Variants in MYT1L observed in about 807,000 individuals in gnomAD.
The protein encoded by MYT1L is myelin transcription factor 1 like, also known as myelin transcription factor 1-like protein.
In MYT1L, 12 loss-of-function variants were observed where a neutral mutation model predicts 126.7. The ratio of observed to expected loss-of-function variants is 0.09; its 90% CI spans 0.06 to 0.15. The LOEUF (loss-of-function observed/expected upper bound fraction) is 0.15. MYT1L is among the 10% of genes least tolerant of loss of function. The pLI is 1.00. For missense variants in MYT1L, 979 were observed against 1,585.2 expected (o/e 0.62, Z 6.49); for synonymous variants, 541 against 604.2 (o/e 0.90, Z 1.53).
intron 3 of MYT1L, among the ~76,000 whole-genome samples, chr2:2,124,047 T>C (rs572881652): frequency 1.2e-3 from 183 of 152,076 alleles, no homozygotes; most frequent in African/African-American, 4.1e-3. Context: ...AACCACAGAG[T>C]GTATGGCCAA....
At chr2:1,928,791 TGATGAGTG>T (rs1362859267) in intron 9 of MYT1L, among the ~76,000 whole-genome samples, 3 of 152,144 alleles carry the variant, frequency 2.0e-5, no homozygotes, top group African/African-American at 7.2e-5. Flanking sequence ...ACCAGGATCC[TGATGAGTG>T]GAGTTTGGGT....
intron 1 of MYT1L, among the ~76,000 whole-genome samples, chr2:2,289,742 C>G (rs759460930): frequency 6.6e-6 from 1 of 152,188 alleles, no homozygotes; most frequent in Non-Finnish European, 1.5e-5. Context: ...GAGAGCATGG[C>G]TGATACTTTA....
intron 3 of MYT1L, among the ~76,000 whole-genome samples, chr2:2,074,827 G>A (rs2075036622): frequency 6.6e-6 from 1 of 152,200 alleles, no homozygotes; most frequent in African/African-American, 2.4e-5. Context: ...GCAGGGGTTT[G>A]TTCAGGACAT....
At chr2:1,881,723 C>T (rs948789771) in intron 18 of MYT1L, among the ~76,000 whole-genome samples, 1 of 152,080 alleles carries the variant, frequency 6.6e-6, no homozygotes, top group Non-Finnish European at 1.5e-5. Context: ...GGTCTCAGCT[C>T]AGCTCCCTGT....
chr2:1,796,095 C>T (rs1056442831), intron 23 of MYT1L, among the ~76,000 whole-genome samples: 3 of 152,170 alleles, frequency 2.0e-5, no homozygotes, highest in Non-Finnish European at 2.9e-5. Flanking sequence ...TATTAAATTC[C>T]GACTGCAGCA....
Position 1,889,256 on chromosome 2 carries a change from C to T in MYT1L, c.2505G>A (p.Glu835=), listed in dbSNP as rs1383058209. ...AAGGACATACAGTAATGTCTTTGGACTCGTCCTCGTCTATCCTCCGGGGTT... is the reference window on the plus strand; with the variant it reads ...AAGGACATACAGTAATGTCTTTGGATTCGTCCTCGTCTATCCTCCGGGGTT... ...KMKPRRIDED[E]SKDITPEDLD... Residue 835 remains glutamate (E), a synonymous_variant, in exon 16 of 25, where the codon GAG becomes GAA. Coordinates refer to ENST00000647738, the MANE Select transcript of MYT1L (RefSeq NM_001303052.2). This position sits in a 1 kb window ranked among gnomAD's most constrained non-coding sequence, Gnocchi z 4.1. 6.2e-7 allele frequency: 1 copy of T among 1,613,810 alleles called. No homozygotes were observed. Among genetic ancestry groups the T allele is most frequent in the Non-Finnish European group, 8.5e-7 (1 of 1,179,784 alleles).
intron 4 of MYT1L, among the ~76,000 whole-genome samples, chr2:2,009,652 A>G (rs1271013708): frequency 6.6e-6 from 1 of 152,150 alleles, no homozygotes; most frequent in Non-Finnish European, 1.5e-5. Context: ...GCAAATAGAG[A>G]AATGCTACTT....
chr2:2,052,054 A>G (rs1188146327), intron 4 of MYT1L, among the ~76,000 whole-genome samples: 2 of 152,220 alleles, frequency 1.3e-5, no homozygotes, highest in African/African-American at 4.8e-5. Context: ...CTTACAACAA[A>G]GCTACTGTAA....
At position 1,979,311 on chromosome 2, in the gene MYT1L, G is replaced by A. The variant is rs2060420953; in HGVS notation, c.90-84C>T. The A allele has an allele frequency of 3.0e-6, 4 of 1,312,878 alleles. No individual in the cohort carries two copies. The highest frequency in any genetic ancestry group is 3.3e-6 in the Non-Finnish European group (3 of 918,666). 81.3% of individuals were successfully genotyped at this position (1,312,878 alleles called of 1,614,324 possible). A position where few individuals can be genotyped will look rare whatever the true frequency, so the allele number is the denominator to read the frequency against. On this transcript the variant is annotated intron_variant, in intron 7 of 24. Transcript: ENST00000647738. The surrounding 1 kb of genome is among the most constrained non-coding windows in gnomAD (Gnocchi z 4.0). ...TTCCGTGGCAGCAGAGAGAAGGAGG[G>A]CGGCTCAGACAGAGGAGAGAAATCA...
intron 3 of MYT1L, among the ~76,000 whole-genome samples, chr2:2,071,470 GT>G (rs2074588928): frequency 1.3e-5 from 2 of 152,186 alleles, no homozygotes; most frequent in African/African-American, 4.8e-5. Flanking sequence ...AACTGGATGA[GT>G]ACCATACAAT....
intron 8 of MYT1L, among the ~76,000 whole-genome samples, chr2:1,961,354 C>G (rs1450058899): frequency 6.6e-6 from 1 of 152,192 alleles, no homozygotes; most frequent in Non-Finnish European, 1.5e-5. Context: ...ACTTGGAAGT[C>G]CAGCCCACTA....
chr2:2,301,634 G>A (rs908364915), intron 1 of MYT1L, among the ~76,000 whole-genome samples: 6 of 151,940 alleles, frequency 3.9e-5, no homozygotes, highest in Non-Finnish European at 7.4e-5. Context: ...TTCGAGACCA[G>A]CCTGGGCATT....
At chr2:1,860,566 C>T (rs573443722) in intron 18 of MYT1L, among the ~76,000 whole-genome samples, 1 of 152,294 alleles carries the variant, frequency 6.6e-6, no homozygotes, top group African/African-American at 2.4e-5. Context: ...GCAGCTAATG[C>T]CATTTACATG....
At chr2:1,816,131 T>A (rs1350305650) in intron 21 of MYT1L, 1 of 152,398 alleles carries the variant, frequency 6.6e-6, no homozygotes, top group Admixed American at 6.5e-5. Flanking sequence ...ACATTCAGCC[T>A]TTTTGTTGTT....
At chr2:2,052,989 AG>A (rs1471054046) in intron 4 of MYT1L, among the ~76,000 whole-genome samples, 4 of 152,186 alleles carry the variant, frequency 2.6e-5, no homozygotes, top group Non-Finnish European at 5.9e-5. Flanking sequence ...TCTACACTCA[AG>A]CTAATAGGAG....
chr2:2,134,406 A>T (rs1400298659), intron 3 of MYT1L, among the ~76,000 whole-genome samples: 1 of 152,174 alleles, frequency 6.6e-6, no homozygotes, highest in African/African-American at 2.4e-5. Flanking sequence ...ATTATTAGAA[A>T]ACAAATGTGA....
At position 1,902,446 on chromosome 2, in the gene MYT1L, G is replaced by A. The variant is rs562151621; in HGVS notation, c.2032+634C>T. Among the ~76,000 whole-genome samples the A allele has an allele frequency of 5.9e-5, 9 of 152,286 alleles. No individual in the cohort carries two copies. In the South Asian group the frequency reaches 8.3e-4, roughly 14 times the overall value. On this transcript the variant is annotated intron_variant, in intron 14 of 24. Transcript: ENST00000647738. ...CCAGTCACAGGGGGACTCCGGTGCCGGTCTTCTGTGAAGAGGCGACAAGGA... is the reference window on the plus strand; with the variant it reads ...CCAGTCACAGGGGGACTCCGGTGCCAGTCTTCTGTGAAGAGGCGACAAGGA...
chr2:2,192,612 T>C (rs2092645560), intron 2 of MYT1L, among the ~76,000 whole-genome samples: 1 of 152,200 alleles, frequency 6.6e-6, no homozygotes, highest in South Asian at 2.1e-4. Flanking sequence ...GTTTTCTTTC[T>C]TCTCAAATGT....
intron 2 of MYT1L, among the ~76,000 whole-genome samples, chr2:2,175,920 G>A (rs980830969): frequency 7.2e-5 from 11 of 152,204 alleles, no homozygotes; most frequent in African/African-American, 2.7e-4. Context: ...CTTGCTCGGG[G>A]GCTGGGTTGA....
Sources: gnomAD v4.1 joint callset for allele counts (sites outside exome capture counted in the v4.1 genomes callset) on GRCh38, gnomAD v4.1.1 for gene constraint, Gnocchi (gnomAD v3.1) non-coding constraint, MANE v1.5 for transcripts, NCBI Gene and HGNC (gene_info 2026-07-23, HGNC 2026-07-21) for gene names.